The following CHMP4C variants were observed in gnomAD, a reference collection of about 807,000 sequenced individuals.
CHMP4C encodes the protein charged multivesicular body protein 4C, also known as SNF7 homolog associated with Alix 3.
In CHMP4C, 28 loss-of-function variants were observed where a neutral mutation model predicts 29.0. The observed-to-expected ratio is 0.97, with a 90% CI of 0.72 to 1.32. The LOEUF (loss-of-function observed/expected upper bound fraction) is 1.32, where lower values mean the gene tolerates loss of function less well. Ranked by LOEUF, CHMP4C falls within the 40% of genes most tolerant of loss-of-function variation. The pLI, the probability that CHMP4C is intolerant of heterozygous loss-of-function variation, is 0.00. For missense variants in CHMP4C, 291 were observed against 281.0 expected (o/e 1.04, Z -0.25); for synonymous variants, 106 against 102.4 (o/e 1.04, Z -0.21).
At chr8:81,732,844 G>A in intron 1 of CHMP4C, 28 bp downstream of exon 1, 1 of 1,595,236 alleles carries the variant, frequency 6.3e-7, no homozygotes, top group Non-Finnish European at 8.5e-7. Context: ...CCACAGGCGG[G>A]AGCCCATCTG....
intron 1 of CHMP4C, among the ~76,000 whole-genome samples, chr8:81,743,547 A>G (rs1482792419): frequency 2.0e-5 from 3 of 152,158 alleles, no homozygotes; most frequent in African/African-American, 4.8e-5. Flanking sequence ...TAATTAGTGT[A>G]TTGGTATGTT....
At chr8:81,739,643 G>C (rs1808739453) in intron 1 of CHMP4C, among the ~76,000 whole-genome samples, 1 of 152,130 alleles carries the variant, frequency 6.6e-6, no homozygotes, top group Non-Finnish European at 1.5e-5. Flanking sequence ...CCTAGCCCTG[G>C]GAACCCTCTT....
intron 1 of CHMP4C, among the ~76,000 whole-genome samples, chr8:81,747,754 C>T (rs950691634): frequency 1.3e-5 from 2 of 152,172 alleles, no homozygotes; most frequent in Middle Eastern, 3.4e-3. Context: ...GGGTGACAGA[C>T]ATCAAGTACT....
chr8:81,748,917 C>A (rs373691586), intron 1 of CHMP4C, among the ~76,000 whole-genome samples: 2 of 117,452 alleles, frequency 1.7e-5, no homozygotes, highest in Admixed American at 2.0e-4. Context: ...CAGAGTGAGA[C>A]TCTGTGTAAA....
chr8:81,739,254 G>A (rs763216018), intron 1 of CHMP4C, among the ~76,000 whole-genome samples: 5 of 150,992 alleles, frequency 3.3e-5, no homozygotes, highest in Non-Finnish European at 7.4e-5. Context: ...GCGCCACCAA[G>A]CCCAGCTATT....
chr8:81,737,840 A>T (rs1808713870), intron 1 of CHMP4C, among the ~76,000 whole-genome samples: 1 of 152,232 alleles, frequency 6.6e-6, no homozygotes, highest in Non-Finnish European at 1.5e-5. Flanking sequence ...ATTACATTTT[A>T]AAAAGCTGTA....
At chr8:81,740,156 C>T (rs1311015787) in intron 1 of CHMP4C, among the ~76,000 whole-genome samples, 1 of 152,208 alleles carries the variant, frequency 6.6e-6, no homozygotes, top group Non-Finnish European at 1.5e-5. Context: ...TGGCATGCCA[C>T]TAGAGACTTC....
intron 1 of CHMP4C, among the ~76,000 whole-genome samples, chr8:81,734,830 A>G (rs1354322602): frequency 6.6e-6 from 1 of 152,220 alleles, no homozygotes; most frequent in African/African-American, 2.4e-5. Flanking sequence ...AGACAGTGCT[A>G]ATTAAGACTA....
At chr8:81,757,532 G>T (rs1808987357) in intron 3 of CHMP4C, among the ~76,000 whole-genome samples, 1 of 152,134 alleles carries the variant, frequency 6.6e-6, no homozygotes, top group Non-Finnish European at 1.5e-5. Flanking sequence ...TCTCTCAAAA[G>T]TTTTTGGGAC....
chr8:81,754,088 A>G (rs967245957), intron 2 of CHMP4C, among the ~76,000 whole-genome samples: 6 of 152,156 alleles, frequency 3.9e-5, no homozygotes, highest in Non-Finnish European at 7.4e-5. Context: ...AGAGTGGGAA[A>G]AGGTGAAAAA....
intron 1 of CHMP4C, among the ~76,000 whole-genome samples, chr8:81,733,459 T>C (rs1472862475): frequency 1.3e-5 from 2 of 152,062 alleles, no homozygotes; most frequent in African/African-American, 4.8e-5. Context: ...GATATTCTAG[T>C]ACGTTGTGGT....
At chr8:81,748,014 T>C (rs1348565864) in intron 1 of CHMP4C, among the ~76,000 whole-genome samples, 2 of 152,092 alleles carry the variant, frequency 1.3e-5, no homozygotes, top group African/African-American at 4.8e-5. Flanking sequence ...ATCTCGACCA[T>C]AAAAGACAGG....
intron 1 of CHMP4C, 161 bp downstream of exon 1, chr8:81,732,977 T>G: frequency 1.7e-6 from 1 of 577,550 alleles, no homozygotes. Flanking sequence ...TAGGGTGAGT[T>G]GAGCTAGACA....
Position 81,755,380 on chromosome 8 carries a change from A to C in CHMP4C, c.379A>C (p.Lys127Gln). ...AATATGATTTCCCAGGGATCTGAAC[A>C]AAATAGATGATTTGATGCAAGAGAT... ...KSVHENMDLN[K>Q]IDDLMQEITE... is the part of the protein sequence containing the mutation. The change falls in exon 3 of 5, where the codon AAA becomes CAA. Residue 127 changes from lysine (K) to glutamine (Q), a missense_variant. Coordinates refer to ENST00000297265, the MANE Select transcript of CHMP4C (RefSeq NM_152284.4). 1 of 1,602,010 alleles carries C rather than the reference A, an allele frequency of 6.2e-7. No individual in the cohort carries two copies. Among genetic ancestry groups the C allele is most frequent in the Non-Finnish European group, 8.5e-7 (1 of 1,170,760 alleles).
At chr8:81,734,847 T>A (rs558554753) in intron 1 of CHMP4C, among the ~76,000 whole-genome samples, 1 of 152,020 alleles carries the variant, frequency 6.6e-6, no homozygotes, top group Non-Finnish European at 1.5e-5. Context: ...ACTACCAATC[T>A]AACTTCCTTA....
At chr8:81,756,541 C>T (rs1808975553) in intron 3 of CHMP4C, among the ~76,000 whole-genome samples, 1 of 152,102 alleles carries the variant, frequency 6.6e-6, no homozygotes. Context: ...TTTTACTTTT[C>T]TGACTGTTAG....
intron 1 of CHMP4C, among the ~76,000 whole-genome samples, chr8:81,737,356 G>C (rs1364112739): frequency 6.6e-6 from 1 of 152,016 alleles, no homozygotes; most frequent in African/African-American, 2.4e-5. Flanking sequence ...TAAATCCATA[G>C]GAATGTTAAT....
chr8:81,751,153 T>C (rs896965638), intron 1 of CHMP4C, among the ~76,000 whole-genome samples: 2 of 152,168 alleles, frequency 1.3e-5, no homozygotes, highest in African/African-American at 4.8e-5. Flanking sequence ...AAATAATTTA[T>C]ATCAATGCAC....
chr8:81,743,361 T>C (rs1808786839), intron 1 of CHMP4C, among the ~76,000 whole-genome samples: 1 of 151,754 alleles, frequency 6.6e-6, no homozygotes, highest in African/African-American at 2.4e-5. Flanking sequence ...TAAATATGGC[T>C]TCATACTTAT....
Sources: allele counts gnomAD v4.1 joint callset (sites outside exome capture counted in the v4.1 genomes callset), GRCh38; gene constraint gnomAD v4.1.1; transcripts MANE v1.5; gene names NCBI Gene and HGNC (gene_info 2026-07-23, HGNC 2026-07-21).